Variants in PTPRN2 observed in about 807,000 individuals in gnomAD.
PTPRN2 encodes protein tyrosine phosphatase receptor type N2.
Under a neutral mutation model 118.8 loss-of-function variants are expected in PTPRN2, and 74 were observed. The observed-to-expected ratio is 0.62, with a 90% CI of 0.52 to 0.76. PTPRN2 has a LOEUF of 0.76. PTPRN2 is among the 30% of genes least tolerant of loss of function. PTPRN2 has a pLI of 0.00. For missense variants in PTPRN2, 1,481 were observed against 1,394.4 expected (o/e 1.06, Z -0.99); for synonymous variants, 641 against 608.0 (o/e 1.05, Z -0.80).
chr7:157,758,286 G>A (rs949685266), intron 12 of PTPRN2, among the ~76,000 whole-genome samples: 4 of 152,342 alleles, frequency 2.6e-5, no homozygotes, highest in Middle Eastern at 3.4e-3. Flanking sequence ...CTGTCCAGGC[G>A]CCATTCCCCG....
intron 1 of PTPRN2, among the ~76,000 whole-genome samples, chr7:158,575,900 G>C (rs1281702642): frequency 1.3e-5 from 2 of 152,070 alleles, no homozygotes; most frequent in Non-Finnish European, 2.9e-5. Flanking sequence ...TAAGTAGATT[G>C]TTTTATAGAA....
At chr7:158,114,293 G>C (rs566504850) in intron 9 of PTPRN2, among the ~76,000 whole-genome samples, 2 of 152,326 alleles carry the variant, frequency 1.3e-5, no homozygotes, top group Admixed American at 6.5e-5. Flanking sequence ...TTCGGAGTCA[G>C]GAGGCCACAG....
At position 158,531,732 on chromosome 7, in the gene PTPRN2, C is replaced by T. The variant is rs75957538; in HGVS notation, c.113-41947G>A. Among the ~76,000 whole-genome samples, 251 of 152,338 alleles carry T rather than the reference C, an allele frequency of 1.6e-3. 8 individuals carry two copies. The East Asian group carries it at 0.031, about 19-fold the overall frequency. ...GAAAAAGGTTAAGAAATCTGTATCACATAAAACAACCTCCAAACACCAGGC... is the reference window on the plus strand; with the variant it reads ...GAAAAAGGTTAAGAAATCTGTATCATATAAAACAACCTCCAAACACCAGGC... On this transcript the variant is annotated intron_variant, in intron 1 of 22. Coordinates refer to ENST00000389418, the MANE Select transcript of PTPRN2 (RefSeq NM_002847.5).
rs978605239 is a variant in PTPRN2 at position 157,598,023 on chromosome 7, G to A, written c.2419-2708C>T. Among the ~76,000 whole-genome samples, 2 of 152,238 alleles carry A rather than the reference G, an allele frequency of 1.3e-5. No homozygotes were observed. Among genetic ancestry groups the A allele is most frequent in the African/African-American group, 2.4e-5 (1 of 41,460 alleles). ...CTCCTTGTGGTCTCACGCAGGCTTCGAGGAAAAGTCAAGCAAATACTTAAC... is the reference window on the plus strand; with the variant it reads ...CTCCTTGTGGTCTCACGCAGGCTTCAAGGAAAAGTCAAGCAAATACTTAAC... On this transcript the variant is annotated intron_variant, in intron 16 of 22. Coordinates refer to ENST00000389418, the MANE Select transcript of PTPRN2 (RefSeq NM_002847.5). This position sits in a 1 kb window ranked among gnomAD's most constrained non-coding sequence, Gnocchi z 5.2.
intron 12 of PTPRN2, among the ~76,000 whole-genome samples, chr7:157,847,387 C>G (rs1808915884): frequency 6.6e-6 from 1 of 151,410 alleles, no homozygotes; most frequent in South Asian, 2.1e-4. Flanking sequence ...CTGACTCTAT[C>G]ACGTGTGCCC....
intron 12 of PTPRN2, among the ~76,000 whole-genome samples, chr7:157,884,469 G>A (rs1796344054): frequency 2.0e-5 from 3 of 152,200 alleles, no homozygotes; most frequent in Admixed American, 2.0e-4. Context: ...CTCGACTGAG[G>A]GTGCATGACA....
chr7:158,121,502 G>A (rs1817170830), intron 9 of PTPRN2, among the ~76,000 whole-genome samples: 1 of 152,216 alleles, frequency 6.6e-6, no homozygotes, highest in African/African-American at 2.4e-5. Flanking sequence ...CCCCTGCGGA[G>A]CATAAGCCAA....
At chr7:158,552,609 G>A (rs1053545712) in intron 1 of PTPRN2, among the ~76,000 whole-genome samples, 6 of 152,054 alleles carry the variant, frequency 3.9e-5, no homozygotes, top group Non-Finnish European at 8.8e-5. Context: ...ACCATGCCCT[G>A]CTAATTTTTC....
chr7:158,071,399 CGTGGTGGAGTTGCTCCTG>C lies in PTPRN2; in HGVS notation c.1723+9881_1723+9898del, dbSNP rs1563391072. Reference sequence around the variant, plus strand: ...TGGAGGTGCTCGTGGTGGAGGTGCTCGTGGTGGAGTTGCTCCTGGTGGTGGAGGTGCTCGTGGTGGTGG... The same window carrying C: ...TGGAGGTGCTCGTGGTGGAGGTGCTCGTGGTGGAGGTGCTCGTGGTGGTGG... On this transcript the variant is annotated intron_variant, in intron 11 of 22. Transcript: ENST00000389418. 8.9e-3 allele frequency among the ~76,000 whole-genome samples: 187 copies of C among 20,976 alleles called. 13 individuals carry two copies. The highest frequency in any genetic ancestry group is 0.039 in the Admixed American group (67 of 1,722). 13.8% of individuals were successfully genotyped at this position (20,976 alleles called of 152,430 possible).
At chr7:158,262,973 G>T (rs1797604795) in intron 3 of PTPRN2, among the ~76,000 whole-genome samples, 1 of 109,950 alleles carries the variant, frequency 9.1e-6, no homozygotes, top group Admixed American at 8.7e-5. Flanking sequence ...TTCACACACT[G>T]CACACATACA....
intron 11 of PTPRN2, among the ~76,000 whole-genome samples, chr7:158,063,294 A>G (rs1292840758): frequency 6.6e-6 from 1 of 152,246 alleles, no homozygotes; most frequent in Non-Finnish European, 1.5e-5. Context: ...AAACACACCA[A>G]TCAGCACTCT....
intron 1 of PTPRN2, among the ~76,000 whole-genome samples, chr7:158,531,973 G>A (rs1452196885): frequency 3.3e-5 from 5 of 152,224 alleles, no homozygotes; most frequent in African/African-American, 9.7e-5. Flanking sequence ...GGACACGGAA[G>A]GCAAAAAACC....
intron 12 of PTPRN2, among the ~76,000 whole-genome samples, chr7:157,807,618 C>G (rs935739758): frequency 6.6e-6 from 1 of 152,240 alleles, no homozygotes; most frequent in Non-Finnish European, 1.5e-5. Context: ...CAATTCATCA[C>G]AGGAGGGTGA....
At chr7:157,814,599 G>C (rs968027159) in intron 12 of PTPRN2, among the ~76,000 whole-genome samples, 12 of 146,770 alleles carry the variant, frequency 8.2e-5, no homozygotes, top group Non-Finnish European at 1.5e-4. Context: ...AGGGGGCAGG[G>C]AGCCACGTCT....
chr7:157,569,060 C>T (rs774691690), intron 20 of PTPRN2, 94 bp from the exon 21 acceptor site: 44 of 1,201,974 alleles, frequency 3.7e-5, no homozygotes, highest in Non-Finnish European at 4.9e-5. Flanking sequence ...TTCCTGCTTA[C>T]GGGGGCCGGC....
At chr7:157,798,446 G>A (rs764810740) in intron 12 of PTPRN2, among the ~76,000 whole-genome samples, 18 of 151,732 alleles carry the variant, frequency 1.2e-4, no homozygotes, top group South Asian at 6.2e-4. Context: ...GTAACAGACC[G>A]GCCATTTCTC....
intron 5 of PTPRN2, among the ~76,000 whole-genome samples, chr7:158,178,898 C>T (rs1399572074): frequency 1.3e-5 from 2 of 152,200 alleles, no homozygotes; most frequent in African/African-American, 4.8e-5. Flanking sequence ...CACCTTTAGC[C>T]ACTCATCAGT....
rs1824703087 is a variant in PTPRN2, at chr7:158,525,472, C to A, written c.113-35687G>T. Among the ~76,000 whole-genome samples, 1 of 152,154 alleles carries A rather than the reference C, an allele frequency of 6.6e-6. No individual in the cohort carries two copies. Reference sequence around the variant, plus strand: ...GGGACCAAGGCTGAGCCGCTCCGCACCCCTCGCTCTACAGCTGGACACAGG... The same window carrying A: ...GGGACCAAGGCTGAGCCGCTCCGCAACCCTCGCTCTACAGCTGGACACAGG... On this transcript the variant is annotated intron_variant, in intron 1 of 22. Transcript: ENST00000389418. The surrounding 1 kb of genome is among the most constrained non-coding windows in gnomAD (Gnocchi z 4.1).
Position 158,086,397 on chromosome 7 carries a change from G to A in PTPRN2, c.1644-5020C>T, listed in dbSNP as rs570559175. ...TAAACCCCTCACTCAGCCACAAAGG[G>A]GGAATGGTCTGTTAAAGGCATGAGC... On this transcript the variant is annotated intron_variant, in intron 10 of 22. Coordinates refer to ENST00000389418, the MANE Select transcript of PTPRN2 (RefSeq NM_002847.5). Among the ~76,000 whole-genome samples the A allele has an allele frequency of 1.6e-3, 241 of 152,262 alleles. 2 individuals carry two copies. The highest frequency in any genetic ancestry group is 5.6e-4 in the Non-Finnish European group (38 of 68,030).
Sources: allele counts gnomAD v4.1 joint callset (sites outside exome capture counted in the v4.1 genomes callset), GRCh38; gene constraint gnomAD v4.1.1; non-coding constraint Gnocchi (gnomAD v3.1); transcripts MANE v1.5; gene names NCBI Gene and HGNC (gene_info 2026-07-23, HGNC 2026-07-21).